Variants in SLC24A3 observed in about 807,000 individuals in gnomAD.
SLC24A3 encodes sodium/potassium/calcium exchanger 3.
SLC24A3 carries 28 observed loss-of-function variants against 75.8 expected under a neutral mutation model. The observed-to-expected ratio is 0.37, with a 90% confidence interval of 0.27 to 0.51. The LOEUF (loss-of-function observed/expected upper bound fraction) is 0.51. Ranked by LOEUF, SLC24A3 falls within the 20% of genes least tolerant of loss-of-function variation. The pLI is 0.94. For missense variants in SLC24A3, 663 were observed against 847.8 expected, an observed-to-expected ratio of 0.78 and a Z score of 2.71; for synonymous variants, 372 against 334.1, an observed-to-expected ratio of 1.11 and a Z score of -1.24.
intron 2 of SLC24A3, among the ~76,000 whole-genome samples, chr20:19,309,499 A>G (rs1239821190): frequency 6.6e-6 from 1 of 152,176 alleles, no homozygotes; most frequent in Non-Finnish European, 1.5e-5. Flanking sequence ...TACTCCACCC[A>G]AACCTACCAG....
intron 1 of SLC24A3, among the ~76,000 whole-genome samples, chr20:19,230,250 G>C (rs927402921): frequency 2.0e-5 from 3 of 152,048 alleles, no homozygotes; most frequent in African/African-American, 7.2e-5. Flanking sequence ...TGTGAGCATC[G>C]CTTATGCTGA....
rs144115044 is a variant in SLC24A3, at chr20:19,354,069, T to G, written c.271+72982T>G. 1.8e-3 allele frequency among the ~76,000 whole-genome samples: 275 copies of G among 152,286 alleles called. 2 individuals carry two copies. The highest frequency in any genetic ancestry group is 6.4e-3 in the African/African-American group (264 of 41,552). ...AAAAATCCAGATGTCCTCCAACTGG[T>G]AAATGAACAGTTAGAGGCACATCCA... On this transcript the variant is annotated intron_variant, in intron 2 of 16. Coordinates refer to ENST00000328041, the MANE Select transcript of SLC24A3 (RefSeq NM_020689.4).
At chr20:19,313,313 G>T (rs1033187667) in intron 2 of SLC24A3, among the ~76,000 whole-genome samples, 1 of 152,142 alleles carries the variant, frequency 6.6e-6, no homozygotes. Context: ...GGGATTACAG[G>T]CATGAGCCAC....
rs865893469 is a variant in SLC24A3 at position 19,429,508 on chromosome 20, A to G, written c.272-85980A>G. Reference sequence around the variant, plus strand: ...CTCTAATACTTTGTATCTACCCCTCATTCAGGAGACACTGTTCTTTCTTGA... The same window carrying G: ...CTCTAATACTTTGTATCTACCCCTCGTTCAGGAGACACTGTTCTTTCTTGA... On this transcript the variant is annotated intron_variant, in intron 2 of 16. Coordinates refer to ENST00000328041, the MANE Select transcript of SLC24A3 (RefSeq NM_020689.4). 3.9e-5 allele frequency among the ~76,000 whole-genome samples: 6 copies of G among 152,340 alleles called. No individual in the cohort carries two copies. In the Middle Eastern group the frequency reaches 0.02, roughly 518 times the overall value.
intron 2 of SLC24A3, among the ~76,000 whole-genome samples, chr20:19,504,700 G>A (rs1430998750): frequency 6.6e-6 from 1 of 152,210 alleles, no homozygotes; most frequent in Non-Finnish European, 1.5e-5. Flanking sequence ...CAAACATTCT[G>A]TCTCTGATGT....
chr20:19,501,110 A>G (rs1988377410), intron 2 of SLC24A3, among the ~76,000 whole-genome samples: 1 of 152,202 alleles, frequency 6.6e-6, no homozygotes, highest in Admixed American at 6.5e-5. Flanking sequence ...CCAATGACAC[A>G]AACTCATAGG....
intron 16 of SLC24A3, among the ~76,000 whole-genome samples, chr20:19,718,392 C>T (rs571941252): frequency 7.2e-5 from 11 of 152,334 alleles, no homozygotes; most frequent in African/African-American, 2.4e-4. Context: ...TGCAGTTCTG[C>T]TATGACTTGG....
At chr20:19,568,981 T>C (rs979190363) in intron 3 of SLC24A3, among the ~76,000 whole-genome samples, 2 of 152,156 alleles carry the variant, frequency 1.3e-5, no homozygotes, top group Admixed American at 1.3e-4. Flanking sequence ...TTTGCTTTCC[T>C]CTATCTTACT....
intron 7 of SLC24A3, 133 bp from the exon 8 acceptor site, chr20:19,665,731 A>T: frequency 1.6e-6 from 2 of 1,215,268 alleles, no homozygotes; most frequent in Non-Finnish European, 2.2e-6. Flanking sequence ...AGGTCCCAGG[A>T]CAACCCAGTC....
At chr20:19,607,486 T>C (rs575703081) in intron 6 of SLC24A3, among the ~76,000 whole-genome samples, 9 of 152,300 alleles carry the variant, frequency 5.9e-5, no homozygotes, top group Non-Finnish European at 8.8e-5. Flanking sequence ...CAGGCTCCAA[T>C]TGGGGGTCTA....
chr20:19,585,335 C>A, intron 5 of SLC24A3, 106 bp from the exon 6 acceptor site: 1 of 1,104,660 alleles, frequency 9.1e-7, no homozygotes, highest in Non-Finnish European at 1.3e-6. Context: ...TCAGCTGTTT[C>A]CTGTAGATTC....
chr20:19,332,914 A>T (rs1213761764), intron 2 of SLC24A3, among the ~76,000 whole-genome samples: 1 of 152,106 alleles, frequency 6.6e-6, no homozygotes, highest in Non-Finnish European at 1.5e-5. Context: ...AGGACAATTT[A>T]GGGAGGATGC....
intron 15 of SLC24A3, among the ~76,000 whole-genome samples, chr20:19,703,523 C>T (rs1385147501): frequency 6.6e-6 from 1 of 152,228 alleles, no homozygotes; most frequent in East Asian, 1.9e-4. Context: ...CTCCTGAGAT[C>T]TTTGCCATGT....
chr20:19,550,501 T>C (rs2030674365), intron 3 of SLC24A3, among the ~76,000 whole-genome samples: 3 of 152,192 alleles, frequency 2.0e-5, no homozygotes, highest in Admixed American at 1.3e-4. Flanking sequence ...CTTCTTGACT[T>C]ATGTGTAGCA....
At chr20:19,376,821 C>T (rs1025562690) in intron 2 of SLC24A3, among the ~76,000 whole-genome samples, 1 of 152,174 alleles carries the variant, frequency 6.6e-6, no homozygotes, top group African/African-American at 2.4e-5. Context: ...AAAAGTCCTG[C>T]AGGCGAGTGG....
At chr20:19,533,028 G>A (rs1370652881) in intron 3 of SLC24A3, among the ~76,000 whole-genome samples, 1 of 152,210 alleles carries the variant, frequency 6.6e-6, no homozygotes, top group Non-Finnish European at 1.5e-5. Flanking sequence ...CACAGCATGA[G>A]CTACCTTTCT....
At chr20:19,620,214 A>G (rs1020085700) in intron 6 of SLC24A3, among the ~76,000 whole-genome samples, 1 of 152,226 alleles carries the variant, frequency 6.6e-6, no homozygotes, top group Admixed American at 6.5e-5. Flanking sequence ...TCTTTTTATC[A>G]GGGCAGCTTC....
At chr20:19,524,716 G>T (rs1304865235) in intron 3 of SLC24A3, among the ~76,000 whole-genome samples, 1 of 151,630 alleles carries the variant, frequency 6.6e-6, no homozygotes, top group Non-Finnish European at 1.5e-5. Context: ...TTATTTATTT[G>T]TTCTTCTGGG....
At chr20:19,293,008 C>T (rs763183188) in intron 2 of SLC24A3, among the ~76,000 whole-genome samples, 1 of 152,102 alleles carries the variant, frequency 6.6e-6, no homozygotes, top group Non-Finnish European at 1.5e-5. Flanking sequence ...AATCACCTTG[C>T]CAAAGGTCCT....
Sources: gnomAD v4.1 joint callset for allele counts (sites outside exome capture counted in the v4.1 genomes callset) on GRCh38, gnomAD v4.1.1 for gene constraint, MANE v1.5 for transcripts, NCBI Gene and HGNC (gene_info 2026-07-23, HGNC 2026-07-21) for gene names.